CRIM1: variants seen among roughly 807,000 people sequenced by gnomAD.
CRIM1 encodes the protein cysteine rich transmembrane BMP regulator 1.
A neutral mutation model predicts 116.4 loss-of-function variants in CRIM1; 32 were observed. That is an observed-to-expected ratio of 0.27 (90% CI 0.21 to 0.37). The LOEUF (loss-of-function observed/expected upper bound fraction) is 0.37. Ranked by LOEUF, CRIM1 falls within the 10% of genes least tolerant of loss-of-function variation. CRIM1 has a pLI of 1.00. For missense variants in CRIM1, 1,331 were observed against 1,354.8 expected (o/e 0.98, Z 0.28); for synonymous variants, 590 against 509.2 (o/e 1.16, Z -2.13).
chr2:36,389,145 G>A (rs1017558155), intron 1 of CRIM1, among the ~76,000 whole-genome samples: 2 of 152,182 alleles, frequency 1.3e-5, no homozygotes, highest in African/African-American at 4.8e-5. Context: ...TTTGTAACAT[G>A]AATCATTTCT....
At chr2:36,472,621 C>T (rs1289135993) in intron 5 of CRIM1, among the ~76,000 whole-genome samples, 1 of 152,180 alleles carries the variant, frequency 6.6e-6, no homozygotes, top group African/African-American at 2.4e-5. Flanking sequence ...ACCTGCCCTC[C>T]ACACTTCCTC....
chr2:36,507,151 G>T (rs1050304653), intron 8 of CRIM1, among the ~76,000 whole-genome samples: 1 of 152,078 alleles, frequency 6.6e-6, no homozygotes, highest in Non-Finnish European at 1.5e-5. Flanking sequence ...CCAGCCAGCC[G>T]CAGTCAGTCT....
chr2:36,405,326 G>A (rs996204061), intron 2 of CRIM1, among the ~76,000 whole-genome samples: 2 of 152,108 alleles, frequency 1.3e-5, no homozygotes, highest in South Asian at 2.1e-4. Context: ...CCGCTTCATG[G>A]AGACACTTTT....
At chr2:36,504,953 A>G (rs886128556) in intron 8 of CRIM1, among the ~76,000 whole-genome samples, 3 of 152,236 alleles carry the variant, frequency 2.0e-5, no homozygotes, top group Non-Finnish European at 2.9e-5. Context: ...TGCTTTTTCT[A>G]GAAACTGATG....
intron 1 of CRIM1, among the ~76,000 whole-genome samples, chr2:36,389,996 G>A (rs1343228964): frequency 1.3e-5 from 2 of 151,954 alleles, no homozygotes; most frequent in Admixed American, 1.3e-4. Context: ...ATCCTTCTCA[G>A]TGCCCACTTT....
At chr2:36,427,155 C>T (rs946455024) in intron 2 of CRIM1, among the ~76,000 whole-genome samples, 5 of 150,946 alleles carry the variant, frequency 3.3e-5, no homozygotes, top group Admixed American at 1.3e-4. Flanking sequence ...GAGCCGAGAT[C>T]GCACCACTGC....
In CRIM1 at chr2:36,549,687, A is replaced by G. The variant is rs1667611783; in HGVS notation, c.*986A>G. The G allele has an allele frequency of 1.3e-5, 2 of 152,494 alleles. No homozygotes were observed. Among genetic ancestry groups the G allele is most frequent in the Admixed American group, 6.5e-5 (1 of 15,268 alleles). 9.4% of individuals were successfully genotyped at this position (152,494 alleles called of 1,614,324 possible). On this transcript the variant is annotated 3_prime_UTR_variant, in exon 17 of 17. Transcript: ENST00000280527. ...TTATTATATACTGATTCTACAAAAT[A>G]GAAACTACTTCATTTTAATTGTATA...
chr2:36,363,161 C>T (rs1669340013), intron 1 of CRIM1, among the ~76,000 whole-genome samples: 1 of 149,190 alleles, frequency 6.7e-6, no homozygotes, highest in Non-Finnish European at 1.5e-5. Context: ...AATCGCACCA[C>T]TGCACTCCAG....
chr2:36,360,416 C>G (rs933340168), intron 1 of CRIM1, among the ~76,000 whole-genome samples: 7 of 152,166 alleles, frequency 4.6e-5, no homozygotes, highest in South Asian at 4.1e-4. Flanking sequence ...ACTTAGCATT[C>G]CATCTTTTTC....
At chr2:36,498,046 C>T (rs148648263) in intron 7 of CRIM1, among the ~76,000 whole-genome samples, 119 of 152,212 alleles carry the variant, frequency 7.8e-4, no homozygotes, top group African/African-American at 2.7e-3. Context: ...TTTCCATCTG[C>T]GAAAATGTAG....
chr2:36,356,361 G>C lies in CRIM1; in HGVS notation c.69G>C (p.Leu23=). The change falls in exon 1 of 17, where the codon CTG becomes CTC. Residue 23 remains leucine (L), a synonymous_variant. Coordinates refer to ENST00000280527, the MANE Select transcript of CRIM1 (RefSeq NM_016441.3). The surrounding 1 kb of genome is among the most constrained non-coding windows in gnomAD (Gnocchi z 4.3). ...ACCTCCTGGTCTCGCTGCTGGGGCT[G>C]CTGCTGCTGCTGGCGCGCTCCGGCA... ...CGHLLVSLLG[L]LLLLARSGTR... 6.3e-7 allele frequency: 1 copy of C among 1,593,324 alleles called. No homozygotes were observed. The highest frequency in any genetic ancestry group is 8.5e-7 in the Non-Finnish European group (1 of 1,172,414).
At chr2:36,537,687 A>C in intron 14 of CRIM1, 141 bp downstream of exon 14, 1 of 914,700 alleles carries the variant, frequency 1.1e-6, no homozygotes, top group Non-Finnish European at 1.6e-6. Flanking sequence ...CCTCCACCCA[A>C]AGACCCTATG....
chr2:36,442,393 T>C (rs1422526039), intron 3 of CRIM1, among the ~76,000 whole-genome samples: 1 of 152,198 alleles, frequency 6.6e-6, no homozygotes, highest in Non-Finnish European at 1.5e-5. Context: ...TCTGTCTTCA[T>C]TGTAGCTCTT....
At chr2:36,457,898 G>A (rs901907482) in intron 4 of CRIM1, among the ~76,000 whole-genome samples, 7 of 152,070 alleles carry the variant, frequency 4.6e-5, no homozygotes, top group Admixed American at 6.5e-5. Flanking sequence ...TTCCATTCCC[G>A]ACAAGCTATT....
chr2:36,356,599 G>C lies in CRIM1; in HGVS notation c.307G>C (p.Glu103Gln). 1 of 1,610,430 alleles carries C rather than the reference G, an allele frequency of 6.2e-7. No individual in the cohort carries two copies. The highest frequency in any genetic ancestry group is 1.1e-5 in the South Asian group (1 of 90,974). The change falls in exon 1 of 17, where the codon GAG (glutamate) becomes CAG (glutamine). Residue 103 changes from glutamate (E) to glutamine (Q), a missense_variant. Glu to Gln is a conservative substitution (Grantham distance 29). Coordinates refer to ENST00000280527, the MANE Select transcript of CRIM1 (RefSeq NM_016441.3). The surrounding 1 kb of genome is among the most constrained non-coding windows in gnomAD (Gnocchi z 4.3). ...CCCGCTCAATGGCGACTCCCTCACC[G>C]AGTACGAAGCGGGCGTTTGCGAAGG... ...RPPLNGDSLT[E>Q]YEAGVCEDEN...
At chr2:36,460,156 T>TTA (rs147786756) in intron 4 of CRIM1, among the ~76,000 whole-genome samples, 1,636 of 152,264 alleles carry the variant, frequency 0.011, 25 homozygotes, top group African/African-American at 0.038. Context: ...TGTGGTTACA[T>TTA]TATGCAAAAA....
At chr2:36,422,369 G>T (rs1328820431) in intron 2 of CRIM1, among the ~76,000 whole-genome samples, 1 of 152,148 alleles carries the variant, frequency 6.6e-6, no homozygotes, top group Non-Finnish European at 1.5e-5. Context: ...AGAGTGTGTA[G>T]TTAATAAAAG....
At position 36,546,994 on chromosome 2, in the gene CRIM1, C is replaced by T. The variant is rs1216812711; in HGVS notation, c.2757C>T (p.His919=). Residue 919 remains histidine (H), a synonymous_variant, in exon 16 of 17, where the codon CAC becomes CAT. Transcript: ENST00000280527. ...DIVHLPRDMG[H]LQVDYRDNRL... is the part of the protein sequence containing the mutation. ...TTTTTTTTCTCCTAGATATGGGTCA[C>T]CTCCAGGTAGATTACAGAGATAACA... The T allele has an allele frequency of 2.5e-6, 4 of 1,601,344 alleles. No homozygotes were observed. The highest frequency in any genetic ancestry group is 1.1e-5 in the South Asian group (1 of 89,804).
chr2:36,461,888 A>T (rs1010691693), intron 4 of CRIM1, among the ~76,000 whole-genome samples: 3 of 152,252 alleles, frequency 2.0e-5, no homozygotes, highest in Non-Finnish European at 4.4e-5. Flanking sequence ...CCCAATAGAT[A>T]TCTGACCTAA....
Sources: gnomAD v4.1 joint callset for allele counts (sites outside exome capture counted in the v4.1 genomes callset) on GRCh38, gnomAD v4.1.1 for gene constraint, Gnocchi (gnomAD v3.1) non-coding constraint, MANE v1.5 for transcripts, NCBI Gene and HGNC (gene_info 2026-07-23, HGNC 2026-07-21) for gene names.